The following HMGCLL1 variants were observed in gnomAD, a reference collection of about 807,000 sequenced individuals.
HMGCLL1 encodes 3-hydroxymethyl-3-methylglutaryl-CoA lyase, cytoplasmic.
Under a neutral mutation model 39.1 loss-of-function variants are expected in HMGCLL1, and 36 were observed. That is an observed-to-expected ratio of 0.92 (90% confidence interval 0.71 to 1.22). The LOEUF (loss-of-function observed/expected upper bound fraction) is 1.22. Ranked by LOEUF, HMGCLL1 falls within the 50% of genes most tolerant of loss-of-function variation. The probability of loss-of-function intolerance (pLI) is 0.00; values close to 1 mark genes in which losing one functional copy is unlikely to be tolerated. For synonymous variants in HMGCLL1, 149 were observed against 144.0 expected, an observed-to-expected ratio of 1.03 and a Z score of -0.25; for missense variants, 451 against 416.5, an observed-to-expected ratio of 1.08 and a Z score of -0.72.
At chr6:55,663,995 T>C in the HMGCLL1 span, among the ~76,000 whole-genome samples, 1 of 151,910 alleles carries the variant, frequency 6.6e-6, no homozygotes, top group East Asian at 1.9e-4. Context: ...CTGCAATCTC[T>C]GCATTTTTTC....
chr6:55,637,884 C>A, the HMGCLL1 span, among the ~76,000 whole-genome samples: 1 of 152,014 alleles, frequency 6.6e-6, no homozygotes, highest in African/African-American at 2.4e-5. Flanking sequence ...TTTGTAAATC[C>A]AAGAGGAAGG....
At chr6:55,502,691 T>A (rs1766950792) in intron 5 of HMGCLL1, among the ~76,000 whole-genome samples, 1 of 137,982 alleles carries the variant, frequency 7.2e-6, no homozygotes, top group African/African-American at 2.7e-5. Flanking sequence ...CAAATACTAA[T>A]TTTGTTTTCT....
At chr6:55,642,989 G>C in the HMGCLL1 span, among the ~76,000 whole-genome samples, 6 of 152,012 alleles carry the variant, frequency 3.9e-5, no homozygotes, top group Non-Finnish European at 8.8e-5. Flanking sequence ...CTTTATGGCT[G>C]CATATTATTC....
At chr6:55,650,913 G>T in the HMGCLL1 span, among the ~76,000 whole-genome samples, 3 of 149,652 alleles carry the variant, frequency 2.0e-5, no homozygotes, top group Admixed American at 6.7e-5. Context: ...ATACTGCCAG[G>T]CCTGAGACTC....
intron 7 of HMGCLL1, among the ~76,000 whole-genome samples, chr6:55,473,010 AT>A (rs1430482029): frequency 2.6e-5 from 4 of 151,316 alleles, no homozygotes; most frequent in Middle Eastern, 3.4e-3. Context: ...ATCTTTGATA[AT>A]TTTTTTCTTT....
the HMGCLL1 span, among the ~76,000 whole-genome samples, chr6:55,596,819 T>A: frequency 6.6e-6 from 1 of 152,198 alleles, no homozygotes; most frequent in Non-Finnish European, 1.5e-5. Flanking sequence ...TAACAATCAT[T>A]TGCCAAGTTA....
At chr6:55,511,945 C>G (rs2127434886) in intron 5 of HMGCLL1, 1 of 152,188 alleles carries the variant, frequency 6.6e-6, no homozygotes, top group South Asian at 2.1e-4. Flanking sequence ...AAAGTCTCCA[C>G]TATACTCTAC....
chr6:55,565,898 A>T (rs9654595), intron 1 of HMGCLL1, among the ~76,000 whole-genome samples: 1,828 of 151,378 alleles, frequency 0.012, 28 homozygotes, highest in African/African-American at 0.042. Flanking sequence ...AGGCAAGCAG[A>T]GTTCTAAATT....
At chr6:55,670,267 A>G in the HMGCLL1 span, among the ~76,000 whole-genome samples, 1 of 151,866 alleles carries the variant, frequency 6.6e-6, no homozygotes, top group South Asian at 2.1e-4. Flanking sequence ...TCCTTCCATA[A>G]TGAAAGAGAA....
At chr6:55,442,317 A>T (rs577492050) in intron 7 of HMGCLL1, among the ~76,000 whole-genome samples, 2 of 152,150 alleles carry the variant, frequency 1.3e-5, no homozygotes, top group Non-Finnish European at 2.9e-5. Context: ...TTATTTACTT[A>T]TTCTAACATG....
chr6:55,516,718 C>A, intron 3 of HMGCLL1, 115 bp from the exon 4 acceptor site: 1 of 545,906 alleles, frequency 1.8e-6, no homozygotes, highest in Non-Finnish European at 3.2e-6. Context: ...AAATTAATAT[C>A]TGAAATAAAA....
intron 1 of HMGCLL1, among the ~76,000 whole-genome samples, chr6:55,554,418 T>A (rs1028078746): frequency 6.6e-6 from 1 of 151,980 alleles, no homozygotes; most frequent in Non-Finnish European, 1.5e-5. Context: ...GACATTCACA[T>A]CACAGGATAA....
At chr6:55,601,226 GC>G in the HMGCLL1 span, among the ~76,000 whole-genome samples, 1 of 152,084 alleles carries the variant, frequency 6.6e-6, no homozygotes, top group Non-Finnish European at 1.5e-5. Context: ...TTTGAGGCAG[GC>G]TTGGCTAGTC....
the HMGCLL1 span, among the ~76,000 whole-genome samples, chr6:55,604,765 A>G: frequency 6.6e-6 from 1 of 152,200 alleles, no homozygotes; most frequent in Non-Finnish European, 1.5e-5. Flanking sequence ...CCAGCTATGA[A>G]GATTTTACTC....
chr6:55,593,233 T>C, the HMGCLL1 span, among the ~76,000 whole-genome samples: 39 of 152,116 alleles, frequency 2.6e-4, no homozygotes, highest in South Asian at 2.1e-4. Flanking sequence ...ATGAGACCCA[T>C]GAATATCATA....
At chr6:55,496,600 A>G (rs1018403137) in intron 6 of HMGCLL1, among the ~76,000 whole-genome samples, 2 of 152,150 alleles carry the variant, frequency 1.3e-5, no homozygotes, top group Non-Finnish European at 2.9e-5. Flanking sequence ...TGCACTTCTT[A>G]TGTGTTTTTC....
the HMGCLL1 span, among the ~76,000 whole-genome samples, chr6:55,663,670 CT>C: frequency 6.6e-6 from 1 of 151,766 alleles, no homozygotes; most frequent in Non-Finnish European, 1.5e-5. Flanking sequence ...GTGGAGAGCT[CT>C]GGAGAGGTCT....
At chr6:55,567,352 G>T (rs565389381) in intron 1 of HMGCLL1, among the ~76,000 whole-genome samples, 1 of 151,954 alleles carries the variant, frequency 6.6e-6, no homozygotes, top group African/African-American at 2.4e-5. Context: ...AGATTAGATA[G>T]ATGGATGAAT....
At chr6:55,512,818 C>T (rs1767532446) in intron 5 of HMGCLL1, 1 of 152,058 alleles carries the variant, frequency 6.6e-6, no homozygotes, top group Non-Finnish European at 1.5e-5. Flanking sequence ...AAATCCATCC[C>T]CAGCTTTCAA....
Sources: gnomAD v4.1 joint callset for allele counts (sites outside exome capture counted in the v4.1 genomes callset) on GRCh38, gnomAD v4.1.1 for gene constraint, MANE v1.5 for transcripts, NCBI Gene and HGNC (gene_info 2026-07-23, HGNC 2026-07-21) for gene names.